STK32B: variants seen among roughly 807,000 people sequenced by gnomAD.
STK32B encodes the protein serine/threonine kinase 32B.
In STK32B, 43 loss-of-function variants were observed where a neutral mutation model predicts 52.6. The ratio of observed to expected loss-of-function variants is 0.82; its 90% CI spans 0.64 to 1.05. The LOEUF is 1.05. Among genes scored for constraint, STK32B ranks in the 50% least tolerant of loss-of-function variants. STK32B has a pLI of 0.00. For synonymous variants in STK32B, 238 were observed against 204.3 expected (o/e 1.17, Z -1.41); for missense variants, 621 against 534.6 (o/e 1.16, Z -1.59).
intron 3 of STK32B, among the ~76,000 whole-genome samples, chr4:5,274,875 C>T (rs796682043): frequency 2.3e-4 from 35 of 152,318 alleles, no homozygotes; most frequent in African/African-American, 8.2e-4. Flanking sequence ...GTCCGCTATG[C>T]TCCTGATCCA....
rs892932769 is a variant in STK32B at position 5,301,993 on chromosome 4, C to T, written c.261-29227C>T. Among the ~76,000 whole-genome samples the T allele has an allele frequency of 2.7e-5, 4 of 150,590 alleles. No individual in the cohort carries two copies. The East Asian group carries it at 7.7e-4, about 29-fold the overall frequency. ...TTTTTTATATGTCTTGTGGTTTTTC[C>T]CCCATTATTCCTCCATTACTTCTAT... On this transcript the variant is annotated intron_variant, in intron 3 of 11. Coordinates refer to ENST00000282908, the MANE Select transcript of STK32B (RefSeq NM_018401.3).
intron 1 of STK32B, among the ~76,000 whole-genome samples, chr4:5,085,317 T>C (rs1189964155): frequency 1.3e-5 from 2 of 152,370 alleles, no homozygotes; most frequent in South Asian, 4.1e-4. Flanking sequence ...AATTATCTAC[T>C]GTAATTATTT....
intron 3 of STK32B, among the ~76,000 whole-genome samples, chr4:5,268,538 GGTGTGTGTGTGTGTGTGTGTGTGT>G (rs10593272): frequency 5.7e-5 from 8 of 140,092 alleles, no homozygotes; most frequent in Admixed American, 2.2e-4. Context: ...TGCTTGGTGT[GGTGTGTGTGTGTGTGTGTGTGTGT>G]GTGTGTGTGT....
At chr4:5,066,430 A>G (rs1216042109) in intron 1 of STK32B, among the ~76,000 whole-genome samples, 1 of 152,170 alleles carries the variant, frequency 6.6e-6, no homozygotes, top group Non-Finnish European at 1.5e-5. Context: ...CAACAGCTAG[A>G]AAATAGCTTC....
At chr4:5,241,123 G>C (rs934760777) in intron 3 of STK32B, among the ~76,000 whole-genome samples, 1 of 152,040 alleles carries the variant, frequency 6.6e-6, no homozygotes, top group African/African-American at 2.4e-5. Context: ...TTCACTGGTG[G>C]ATTTTTTAAT....
At chr4:5,317,231 TAACATATATATATTATATATA>T (rs1731071487) in intron 3 of STK32B, among the ~76,000 whole-genome samples, 1 of 61,562 alleles carries the variant, frequency 1.6e-5, no homozygotes, top group Non-Finnish European at 2.3e-5. Context: ...ATATTATATA[TAACATATATATATTATATATA>T]ACATATAACA....
chr4:5,423,038 G>A (rs188869621), intron 6 of STK32B, among the ~76,000 whole-genome samples: 162 of 152,292 alleles, frequency 1.1e-3, no homozygotes, highest in African/African-American at 3.8e-3. Context: ...TGGGGAGGGA[G>A]AGAGCAGACA....
intron 4 of STK32B, among the ~76,000 whole-genome samples, chr4:5,333,570 G>C (rs1732419999): frequency 6.6e-6 from 1 of 152,118 alleles, no homozygotes; most frequent in Admixed American, 6.5e-5. Context: ...GTCCTGAATG[G>C]TAATGCCTAG....
chr4:5,278,445 T>C (rs1359402204), intron 3 of STK32B, among the ~76,000 whole-genome samples: 1 of 152,112 alleles, frequency 6.6e-6, no homozygotes, highest in Non-Finnish European at 1.5e-5. Context: ...GAGTATGAAC[T>C]GAAACTGCCA....
chr4:5,186,437 T>C (rs955201405), intron 3 of STK32B, among the ~76,000 whole-genome samples: 1 of 152,196 alleles, frequency 6.6e-6, no homozygotes, highest in African/African-American at 2.4e-5. Flanking sequence ...TAGACCCTGG[T>C]GGCAGAACTG....
chr4:5,386,804 C>T lies in STK32B; in HGVS notation c.435-11403C>T, dbSNP rs1473276336. ...GCTGGACCCTCCATTGGGTCCAACT[C>T]TCGGATTCCAATAGAAGTCACGTGG... On this transcript the variant is annotated intron_variant, in intron 4 of 11. Transcript: ENST00000282908. This position sits in a 1 kb window ranked among gnomAD's most constrained non-coding sequence, Gnocchi z 4.5. Among the ~76,000 whole-genome samples, 1 of 152,216 alleles carries T rather than the reference C, an allele frequency of 6.6e-6. No individual in the cohort carries two copies. Among genetic ancestry groups the T allele is most frequent in the Non-Finnish European group, 1.5e-5 (1 of 68,034 alleles).
At chr4:5,184,878 T>A (rs1002178893) in intron 3 of STK32B, among the ~76,000 whole-genome samples, 3 of 152,130 alleles carry the variant, frequency 2.0e-5, no homozygotes, top group Admixed American at 6.5e-5. Context: ...ACCTCCACTT[T>A]GTGAAATATG....
rs540092300 is a variant in STK32B at position 5,449,007 on chromosome 4, G to A, written c.666+2231G>A. 2.0e-5 allele frequency among the ~76,000 whole-genome samples: 3 copies of A among 152,232 alleles called. No homozygotes were observed. The South Asian group carries it at 6.2e-4, about 32-fold the overall frequency. On this transcript the variant is annotated intron_variant, in intron 7 of 11. Coordinates refer to ENST00000282908, the MANE Select transcript of STK32B (RefSeq NM_018401.3). ...GTGATGTCAATGACAACATCCTTGG[G>A]TAGGATCCAGGGAGCTCCTTTCGTC... is the stretch of plus-strand genomic sequence containing the variant.
chr4:5,023,602 A>G, the STK32B span, among the ~76,000 whole-genome samples: 4 of 152,082 alleles, frequency 2.6e-5, no homozygotes, highest in East Asian at 3.9e-4. Flanking sequence ...TCATTCTTCA[A>G]TGTCTCTACC....
intron 3 of STK32B, among the ~76,000 whole-genome samples, chr4:5,256,012 A>C (rs1034115140): frequency 6.6e-6 from 1 of 152,192 alleles, no homozygotes; most frequent in African/African-American, 2.4e-5. Context: ...CCAAAGTGCT[A>C]TATTGACTAT....
At chr4:5,495,345 C>A (rs1029212491) in intron 11 of STK32B, among the ~76,000 whole-genome samples, 2 of 152,134 alleles carry the variant, frequency 1.3e-5, no homozygotes, top group African/African-American at 4.8e-5. Context: ...ATCGCTGATA[C>A]CATTTCTTCC....
intron 4 of STK32B, among the ~76,000 whole-genome samples, chr4:5,343,840 G>A (rs541642689): frequency 1.3e-5 from 2 of 152,318 alleles, no homozygotes; most frequent in Admixed American, 6.5e-5. Flanking sequence ...TTGTGAGGGA[G>A]GGGTGCAAAG....
At chr4:5,128,173 C>T (rs140747545) in intron 1 of STK32B, among the ~76,000 whole-genome samples, 7 of 152,194 alleles carry the variant, frequency 4.6e-5, no homozygotes, top group Non-Finnish European at 8.8e-5. Flanking sequence ...GGAGCATGGT[C>T]CTGAGGACAC....
intron 4 of STK32B, among the ~76,000 whole-genome samples, chr4:5,350,247 C>T (rs1733741052): frequency 6.6e-6 from 1 of 152,112 alleles, no homozygotes; most frequent in Non-Finnish European, 1.5e-5. Context: ...GACTTCCCAT[C>T]AGGTTAATAG....
Sources: allele counts gnomAD v4.1 joint callset (sites outside exome capture counted in the v4.1 genomes callset), GRCh38; gene constraint gnomAD v4.1.1; non-coding constraint Gnocchi (gnomAD v3.1); transcripts MANE v1.5; gene names NCBI Gene and HGNC (gene_info 2026-07-23, HGNC 2026-07-21).